ACCSL: variants seen among roughly 807,000 people sequenced by gnomAD.
ACCSL encodes the protein probable inactive 1-aminocyclopropane-1-carboxylate synthase-like protein 2.
Under a neutral mutation model 61.7 loss-of-function variants are expected in ACCSL, and 55 were observed. The ratio of observed to expected loss-of-function variants is 0.89; its 90% CI spans 0.72 to 1.12. ACCSL has a LOEUF of 1.12. Ranked by LOEUF, ACCSL falls within the 50% of genes most tolerant of loss-of-function variation. The pLI is 0.00. For synonymous variants in ACCSL, 258 were observed against 264.3 expected (o/e 0.98, Z 0.23); for missense variants, 632 against 698.0 (o/e 0.91, Z 1.07).
At chr11:43,991,504 AC>A in the ACCSL span, among the ~76,000 whole-genome samples, 38,127 of 151,574 alleles carry the variant, frequency 0.25, 5,806 homozygotes, top group South Asian at 0.33. Context: ...TCCAATATAC[AC>A]CCCCCTGGCA....
the ACCSL span, among the ~76,000 whole-genome samples, chr11:43,989,058 C>T: frequency 5.3e-5 from 8 of 152,104 alleles, no homozygotes; most frequent in Non-Finnish European, 1.2e-4. Context: ...TCACGGGGAG[C>T]TGGTCTAAGG....
the ACCSL span, among the ~76,000 whole-genome samples, chr11:43,933,591 G>C: frequency 6.6e-6 from 1 of 152,254 alleles, no homozygotes; most frequent in Non-Finnish European, 1.5e-5. Flanking sequence ...TCTCAGACCA[G>C]TGGTCCCAGA....
intron 11 of ACCSL, among the ~76,000 whole-genome samples, chr11:44,056,782 A>G (rs1048866155): frequency 3.9e-5 from 6 of 152,204 alleles, no homozygotes; most frequent in Non-Finnish European, 8.8e-5. Context: ...CAGTGAGCCA[A>G]GACAGCGCCA....
chr11:43,922,878 T>C, the ACCSL span, among the ~76,000 whole-genome samples: 1 of 152,194 alleles, frequency 6.6e-6, no homozygotes, highest in Non-Finnish European at 1.5e-5. Flanking sequence ...AAAAATGTCT[T>C]CTTTATAACA....
the ACCSL span, among the ~76,000 whole-genome samples, chr11:43,986,824 A>G: frequency 2.9e-3 from 441 of 152,302 alleles, 2 homozygotes; most frequent in Non-Finnish European, 5.2e-3. Context: ...GAGCTTGTCT[A>G]CAGGGTTTGC....
intron 13 of ACCSL, among the ~76,000 whole-genome samples, chr11:44,059,549 A>G (rs1184141270): frequency 6.6e-6 from 1 of 152,230 alleles, no homozygotes; most frequent in African/African-American, 2.4e-5. Flanking sequence ...GAGTGAAGAG[A>G]CACTAGAGGC....
At chr11:43,971,228 G>A in the ACCSL span, among the ~76,000 whole-genome samples, 11 of 150,410 alleles carry the variant, frequency 7.3e-5, no homozygotes, top group Non-Finnish European at 1.5e-4. Flanking sequence ...AGCTACTCAG[G>A]AGGCTGAGGC....
chr11:43,953,387 G>C, the ACCSL span, among the ~76,000 whole-genome samples: 1 of 146,496 alleles, frequency 6.8e-6, no homozygotes, highest in African/African-American at 2.5e-5. Context: ...CCAGGCGTGT[G>C]GTGGGTGCCT....
chr11:43,944,048 C>A, the ACCSL span: 2 of 383,706 alleles, frequency 5.2e-6, no homozygotes, highest in Non-Finnish European at 9.6e-6. Flanking sequence ...GTGCGCGGGT[C>A]GGTTGCCTGC....
intron 4 of ACCSL, 122 bp downstream of exon 4, chr11:44,051,526 A>C: frequency 6.5e-7 from 1 of 1,532,942 alleles, no homozygotes; most frequent in Non-Finnish European, 9.0e-7. Flanking sequence ...GGGCAGCATG[A>C]AGGCCAATGT....
In ACCSL at chr11:44,058,660, T is replaced by C. The variant is rs2074051; in HGVS notation, c.1585T>C (p.Cys529Arg). 1,226,592 of 1,613,518 alleles carry C rather than the reference T, an allele frequency of 0.76. 468,130 individuals are homozygous for C. The highest frequency in any genetic ancestry group is 0.87 in the African/African-American group (64,938 of 74,946). ...TYMCKEPGWFCLIFADELPRL... is the reference protein window; with the variant it reads ...TYMCKEPGWFRLIFADELPRL... ...CATGTGTAAGGAGCCAGGCTGGTTC[T>C]GCCTCATCTTTGCAGATGAGCTCCC... Residue 529 changes from cysteine to arginine, a missense_variant, in exon 13 of 14, where the codon TGC becomes CGC. Physicochemically the swap from Cys to Arg is radical, Grantham distance 180. Coordinates refer to ENST00000378832, the MANE Select transcript of ACCSL (RefSeq NM_001031854.2).
chr11:43,997,339 C>T, the ACCSL span, among the ~76,000 whole-genome samples: 1 of 152,064 alleles, frequency 6.6e-6, no homozygotes, highest in Admixed American at 6.6e-5. Flanking sequence ...GCTGTCGGTT[C>T]CAGAGAGGAT....
the ACCSL span, among the ~76,000 whole-genome samples, chr11:43,938,293 G>C: frequency 6.6e-6 from 1 of 152,170 alleles, no homozygotes; most frequent in African/African-American, 2.4e-5. Flanking sequence ...CCACCGACAG[G>C]GTGTTGAGAG....
rs187825313 is a variant in ACCSL at position 44,056,121 on chromosome 11, A to G, written c.1185+36A>G. On this transcript the variant is annotated intron_variant, in intron 10 of 13. Coordinates refer to ENST00000378832, the MANE Select transcript of ACCSL (RefSeq NM_001031854.2). ...GCTTTCTCTCCTTGGCTAGGGAAGG[A>G]GGAGGAGCCAGGAATAGAAGGCAGA... 92 of 1,614,208 alleles carry G rather than the reference A, an allele frequency of 5.7e-5. 1 individual carries two copies. In the East Asian group the frequency reaches 1.7e-3, roughly 30 times the overall value.
the ACCSL span, among the ~76,000 whole-genome samples, chr11:44,007,066 A>C: frequency 6.6e-6 from 1 of 152,062 alleles, no homozygotes; most frequent in African/African-American, 2.4e-5. Context: ...AATAGAGATA[A>C]AGCTGACTCC....
At chr11:43,956,885 T>C in the ACCSL span, among the ~76,000 whole-genome samples, 1 of 152,256 alleles carries the variant, frequency 6.6e-6, no homozygotes, top group South Asian at 2.1e-4. Flanking sequence ...CCAGGTGGTT[T>C]AGTATTTATA....
At chr11:44,035,860 C>T in the ACCSL span, among the ~76,000 whole-genome samples, 2 of 148,092 alleles carry the variant, frequency 1.4e-5, no homozygotes, top group African/African-American at 5.0e-5. Context: ...ATTGCTTGAA[C>T]CTGGAAGGTA....
the ACCSL span, chr11:43,942,600 C>A: frequency 3.2e-6 from 1 of 314,610 alleles, no homozygotes; most frequent in Non-Finnish European, 6.3e-6. Flanking sequence ...TGGGCAGCCG[C>A]GGGCTATATA....
At chr11:43,988,806 C>CT in the ACCSL span, among the ~76,000 whole-genome samples, 1,529 of 97,056 alleles carry the variant, frequency 0.016, 6 homozygotes, top group Non-Finnish European at 0.02. Context: ...ATTCTCTCTT[C>CT]TTTTTTTTTT....
Sources: gnomAD v4.1 joint callset for allele counts (sites outside exome capture counted in the v4.1 genomes callset) on GRCh38, gnomAD v4.1.1 for gene constraint, MANE v1.5 for transcripts, NCBI Gene and HGNC (gene_info 2026-07-23, HGNC 2026-07-21) for gene names.